BLMH: variants seen among roughly 807,000 people sequenced by gnomAD.
BLMH encodes BLM hydrolase.
In BLMH, 32 loss-of-function variants were observed where a neutral mutation model predicts 61.6. The observed-to-expected ratio is 0.52, with a 90% CI of 0.39 to 0.70. BLMH has a LOEUF of 0.70. BLMH is among the 30% of genes least tolerant of loss of function. The pLI, the probability that BLMH is intolerant of heterozygous loss-of-function variation, is 0.00. For synonymous variants in BLMH, 183 were observed against 193.8 expected, an observed-to-expected ratio of 0.94 and a Z score of 0.46; for missense variants, 460 against 555.5, an observed-to-expected ratio of 0.83 and a Z score of 1.73.
intron 10 of BLMH, among the ~76,000 whole-genome samples, chr17:30,268,640 T>C (rs1908174743): frequency 1.3e-5 from 2 of 151,500 alleles, no homozygotes; most frequent in African/African-American, 2.4e-5. Flanking sequence ...TCCTGAAAAA[T>C]AGGAGTATTC....
At chr17:30,275,665 GA>G (rs1318086845) in intron 6 of BLMH, among the ~76,000 whole-genome samples, 1 of 151,572 alleles carries the variant, frequency 6.6e-6, no homozygotes, top group African/African-American at 2.4e-5. Flanking sequence ...TGGCCTGGGG[GA>G]CAGGGCGAGA....
chr17:30,268,779 G>A (rs1031763008), intron 10 of BLMH, among the ~76,000 whole-genome samples: 2 of 151,106 alleles, frequency 1.3e-5, no homozygotes, highest in Admixed American at 6.6e-5. Flanking sequence ...GCTCATGCCT[G>A]TAATCCCAGC....
intron 11 of BLMH, among the ~76,000 whole-genome samples, chr17:30,266,323 C>T (rs1253809583): frequency 1.3e-5 from 2 of 151,760 alleles, no homozygotes; most frequent in Non-Finnish European, 2.9e-5. Flanking sequence ...GTCAGGAAAT[C>T]GAGACCATCC....
At chr17:30,258,492 A>G (rs1907874311) in intron 11 of BLMH, among the ~76,000 whole-genome samples, 1 of 152,196 alleles carries the variant, frequency 6.6e-6, no homozygotes, top group African/African-American at 2.4e-5. Flanking sequence ...TGCAGGGTGG[A>G]AAATGTGGTA....
At chr17:30,271,699 G>A (rs3816828) in intron 9 of BLMH, among the ~76,000 whole-genome samples, 4 of 152,024 alleles carry the variant, frequency 2.6e-5, no homozygotes, top group Non-Finnish European at 4.4e-5. Context: ...TGAAAAAAGC[G>A]TTTGAAGTAA....
chr17:30,275,257 A>G, intron 6 of BLMH, among the ~76,000 whole-genome samples: 1 of 152,140 alleles, frequency 6.6e-6, no homozygotes, highest in East Asian at 1.9e-4. Flanking sequence ...GTAATAAGGT[A>G]TAATTTTTTG....
At chr17:30,261,483 C>T (rs966555396) in intron 11 of BLMH, among the ~76,000 whole-genome samples, 1 of 152,134 alleles carries the variant, frequency 6.6e-6, no homozygotes, top group Non-Finnish European at 1.5e-5. Flanking sequence ...ATTTATATAA[C>T]AATATACAGT....
At chr17:30,288,022 G>A in intron 3 of BLMH, 75 bp from the exon 4 acceptor site, 1 of 1,401,224 alleles carries the variant, frequency 7.1e-7, no homozygotes, top group Non-Finnish European at 9.7e-7. Context: ...TCAACAGAAT[G>A]GGAGTCTTGG....
intron 11 of BLMH, among the ~76,000 whole-genome samples, chr17:30,255,391 T>C (rs1381663121): frequency 2.6e-5 from 4 of 152,212 alleles, no homozygotes; most frequent in Admixed American, 2.6e-4. Context: ...TAATGACGCA[T>C]TTCAGAAAAG....
chr17:30,287,960 G>GA lies in BLMH; in HGVS notation c.322-14dup. 1 of 1,601,904 alleles carries GA rather than the reference G, an allele frequency of 6.2e-7. No individual in the cohort carries two copies. Among genetic ancestry groups the GA allele is most frequent in the Non-Finnish European group, 8.5e-7 (1 of 1,174,918 alleles). ...AACAGCGTTCAACCTAAAGAGTAAA[G>GA]AAAGTTAAATAACATTAAAAGAAAA... On this transcript the variant is annotated splice_polypyrimidine_tract_variant and intron_variant, in intron 3 of 11. Transcript: ENST00000261714.
intron 6 of BLMH, among the ~76,000 whole-genome samples, chr17:30,285,184 C>G (rs7342929): frequency 0.53 from 80,879 of 152,004 alleles, 23,479 homozygotes; most frequent in African/African-American, 0.77. Flanking sequence ...CACTAAACTA[C>G]GAATTAGAAA....
intron 10 of BLMH, among the ~76,000 whole-genome samples, chr17:30,269,177 ATTG>A (rs1417093652): frequency 7.0e-6 from 1 of 143,288 alleles, no homozygotes; most frequent in Non-Finnish European, 1.5e-5. Context: ...TTATTTATTT[ATTG>A]TTTTTTTTTT....
intron 5 of BLMH, among the ~76,000 whole-genome samples, chr17:30,286,181 C>T (rs1207424382): frequency 6.6e-6 from 1 of 152,166 alleles, no homozygotes; most frequent in Non-Finnish European, 1.5e-5. Flanking sequence ...CCAATTTCAG[C>T]CTCATGGATT....
intron 10 of BLMH, among the ~76,000 whole-genome samples, chr17:30,270,953 T>C (rs191344874): frequency 3.5e-4 from 53 of 152,352 alleles, no homozygotes; most frequent in African/African-American, 1.2e-3. Context: ...CACATTTTGA[T>C]TCCTTATAAA....
intron 11 of BLMH, among the ~76,000 whole-genome samples, chr17:30,256,261 G>C (rs1233375320): frequency 5.3e-5 from 8 of 151,990 alleles, no homozygotes; most frequent in Non-Finnish European, 1.0e-4. Flanking sequence ...TTTTATATTG[G>C]TTGCAAACTT....
chr17:30,264,679 A>G (rs1908050170), intron 11 of BLMH, among the ~76,000 whole-genome samples: 1 of 152,248 alleles, frequency 6.6e-6, no homozygotes, highest in African/African-American at 2.4e-5. Flanking sequence ...CTAAACAAAT[A>G]TAACTTTAGT....
chr17:30,259,223 C>G (rs1907896058), intron 11 of BLMH, among the ~76,000 whole-genome samples: 1 of 152,194 alleles, frequency 6.6e-6, no homozygotes, highest in Non-Finnish European at 1.5e-5. Flanking sequence ...TTCCTTGCAA[C>G]CCCACTATAC....
At chr17:30,286,464 T>C (rs1361478201) in intron 5 of BLMH, among the ~76,000 whole-genome samples, 3 of 152,230 alleles carry the variant, frequency 2.0e-5, no homozygotes, top group African/African-American at 4.8e-5. Flanking sequence ...TTGGTTTTAC[T>C]AGCACATAAA....
intron 6 of BLMH, among the ~76,000 whole-genome samples, chr17:30,285,108 C>G (rs1358069232): frequency 3.3e-5 from 5 of 152,124 alleles, no homozygotes; most frequent in African/African-American, 1.2e-4. Flanking sequence ...TCATCTGTTT[C>G]CTCAGTGCCA....
Sources: gnomAD v4.1 joint callset for allele counts (sites outside exome capture counted in the v4.1 genomes callset) on GRCh38, gnomAD v4.1.1 for gene constraint, MANE v1.5 for transcripts, NCBI Gene and HGNC (gene_info 2026-07-23, HGNC 2026-07-21) for gene names.